SEC24A: variants seen among roughly 807,000 people sequenced by gnomAD.
SEC24A encodes SEC24 homolog A, COPII component, also known as protein transport protein Sec24A.
SEC24A carries 93 observed loss-of-function variants against 129.4 expected under a neutral mutation model. The observed-to-expected ratio is 0.72, with a 90% CI of 0.61 to 0.85. The LOEUF is 0.85. Among genes scored for constraint, SEC24A ranks in the 40% least tolerant of loss-of-function variants. SEC24A has a pLI of 0.00. For missense variants in SEC24A, 1,264 were observed against 1,307.4 expected (o/e 0.97, Z 0.51); for synonymous variants, 460 against 467.3 (o/e 0.98, Z 0.20).
intron 15 of SEC24A, among the ~76,000 whole-genome samples, chr5:134,698,561 T>TCA (rs1751900920): frequency 1.5e-5 from 2 of 135,826 alleles, no homozygotes; most frequent in South Asian, 4.9e-4. Flanking sequence ...TGAGCAGAGA[T>TCA]CACACCACTG....
intron 17 of SEC24A, among the ~76,000 whole-genome samples, chr5:134,707,491 G>A (rs1397438468): frequency 1.3e-5 from 2 of 151,606 alleles, no homozygotes; most frequent in Non-Finnish European, 2.9e-5. Flanking sequence ...CATCACACCC[G>A]GCTAATTTTT....
At chr5:134,691,943 TAA>T (rs113496663) in intron 11 of SEC24A, among the ~76,000 whole-genome samples, 7 of 137,554 alleles carry the variant, frequency 5.1e-5, no homozygotes, top group Admixed American at 7.3e-5. Flanking sequence ...GCCAGCCATT[TAA>T]AAAAAAAAAA....
intron 7 of SEC24A, among the ~76,000 whole-genome samples, chr5:134,676,529 C>T (rs1446003702): frequency 1.3e-5 from 2 of 150,972 alleles, no homozygotes; most frequent in South Asian, 2.1e-4. Flanking sequence ...CCGCAATCTC[C>T]GCCTCCCAGG....
At chr5:134,698,610 A>AG (rs1179537084) in intron 15 of SEC24A, among the ~76,000 whole-genome samples, 4 of 150,950 alleles carry the variant, frequency 2.6e-5, no homozygotes, top group Non-Finnish European at 5.9e-5. Flanking sequence ...AAAAAAAAAA[A>AG]AAGAAGAAGA....
chr5:134,704,982 C>T (rs1752108236), intron 16 of SEC24A, among the ~76,000 whole-genome samples: 1 of 150,256 alleles, frequency 6.7e-6, no homozygotes, highest in Non-Finnish European at 1.5e-5. Context: ...CTGTGTCTGG[C>T]CAGTATAAAA....
intron 3 of SEC24A, among the ~76,000 whole-genome samples, chr5:134,669,249 C>A (rs1196602671): frequency 6.6e-6 from 1 of 151,272 alleles, no homozygotes; most frequent in African/African-American, 2.4e-5. Context: ...TCACCGCAAC[C>A]TCCGCCTCCT....
In SEC24A at chr5:134,676,064, C is replaced by G. The variant is rs779639447; in HGVS notation, c.1193C>G (p.Ala398Gly). 6.2e-7 allele frequency: 1 copy of G among 1,613,396 alleles called. No homozygotes were observed. The highest frequency in any genetic ancestry group is 2.2e-5 in the East Asian group (1 of 44,844). ...CTGACTAGCATTCCTCAGACGCAGG[C>G]CTTATTGAATAAAGCCAAACTTCCT... is the stretch of plus-strand genomic sequence containing the variant. ...CTLTSIPQTQ[A>G]LLNKAKLPLG... Residue 398 changes from alanine to glycine, a missense_variant, in exon 7 of 23, where the codon GCC becomes GGC. By Grantham distance (60) the Ala-to-Gly change is moderately conservative. Transcript: ENST00000398844.
chr5:134,670,489 T>G (rs1269298537), intron 3 of SEC24A, among the ~76,000 whole-genome samples: 1 of 152,236 alleles, frequency 6.6e-6, no homozygotes, highest in African/African-American at 2.4e-5. Context: ...TTAGAGCTCA[T>G]ACTTAGTAGA....
At chr5:134,702,375 T>C (rs542146022) in intron 15 of SEC24A, among the ~76,000 whole-genome samples, 1 of 152,350 alleles carries the variant, frequency 6.6e-6, no homozygotes, top group Non-Finnish European at 1.5e-5. Flanking sequence ...AACATGTGCA[T>C]CTGTTTTTCT....
intron 7 of SEC24A, among the ~76,000 whole-genome samples, chr5:134,678,143 T>C (rs944963282): frequency 6.6e-6 from 1 of 152,164 alleles, no homozygotes; most frequent in Middle Eastern, 3.2e-3. Context: ...TGCCTCAGCC[T>C]CCAGACAGAG....
chr5:134,711,895 C>G (rs1752337761), intron 18 of SEC24A, among the ~76,000 whole-genome samples: 1 of 151,616 alleles, frequency 6.6e-6, no homozygotes, highest in Non-Finnish European at 1.5e-5. Context: ...CTACAGGCGC[C>G]CACTACCACG....
chr5:134,697,864 C>A, intron 14 of SEC24A, 35 bp from the exon 15 acceptor site: 1 of 1,573,742 alleles, frequency 6.4e-7, no homozygotes, highest in Non-Finnish European at 8.6e-7. Context: ...AAATAGTTAA[C>A]GGCACAGTTT....
intron 1 of SEC24A, among the ~76,000 whole-genome samples, chr5:134,657,684 C>T (rs1750294357): frequency 6.6e-6 from 1 of 152,084 alleles, no homozygotes; most frequent in African/African-American, 2.4e-5. Flanking sequence ...TCAAGTGATC[C>T]TCCCGCCTCA....
At chr5:134,686,632 A>T (rs1252166939) in intron 9 of SEC24A, among the ~76,000 whole-genome samples, 158 bp from the exon 10 acceptor site, 1 of 152,208 alleles carries the variant, frequency 6.6e-6, no homozygotes, top group African/African-American at 2.4e-5. Context: ...CTTTAAGTGT[A>T]CATCTATAAA....
chr5:134,697,049 G>A (rs972119427), intron 13 of SEC24A, 77 bp from the exon 14 acceptor site: 1 of 770,834 alleles, frequency 1.3e-6, no homozygotes, highest in African/African-American at 1.7e-5. Context: ...ACATCATGAT[G>A]TATGTAGATG....
In SEC24A at chr5:134,685,824, T is replaced by TA. The variant is rs527912543; in HGVS notation, c.1492-959dup. Among the ~76,000 whole-genome samples the TA allele has an allele frequency of 4.0e-5, 6 of 151,884 alleles. No individual in the cohort carries two copies. In the South Asian group the frequency reaches 6.2e-4, roughly 16 times the overall value. ...CAAAATGGTGAAACCCTGTCTCTAC[T>TA]AAAAAAATACAAAAATTAGCCGGGC... On this transcript the variant is annotated intron_variant, in intron 9 of 22. Transcript: ENST00000398844.
chr5:134,667,104 T>A, intron 3 of SEC24A, 108 bp downstream of exon 3: 1 of 963,602 alleles, frequency 1.0e-6, no homozygotes, highest in Non-Finnish European at 1.5e-6. Context: ...CCAGAAAATC[T>A]AGTTTTGGTT....
chr5:134,724,219 G>A (rs1221977311), intron 22 of SEC24A, among the ~76,000 whole-genome samples: 2 of 152,122 alleles, frequency 1.3e-5, no homozygotes, highest in Non-Finnish European at 2.9e-5. Context: ...AAGTAAGATC[G>A]TGTGGTGTTT....
intron 18 of SEC24A, 48 bp from the exon 19 acceptor site, chr5:134,714,976 A>G: frequency 6.4e-7 from 1 of 1,566,034 alleles, no homozygotes; most frequent in Non-Finnish European, 8.7e-7. Context: ...TTCTGGATGT[A>G]TTTTTAAAAT....
Sources: allele counts gnomAD v4.1 joint callset (sites outside exome capture counted in the v4.1 genomes callset), GRCh38; gene constraint gnomAD v4.1.1; transcripts MANE v1.5; gene names NCBI Gene and HGNC (gene_info 2026-07-23, HGNC 2026-07-21).